EPAS1: variants seen among roughly 807,000 people sequenced by gnomAD.
The protein encoded by EPAS1 is endothelial PAS domain-containing protein 1.
In EPAS1, 23 loss-of-function variants were observed where a neutral mutation model predicts 87.9. That is an observed-to-expected ratio of 0.26 (90% confidence interval 0.19 to 0.37). The LOEUF is 0.37. Ranked by LOEUF, EPAS1 falls within the 10% of genes least tolerant of loss-of-function variation. The probability of loss-of-function intolerance (pLI) is 1.00; values close to 1 mark genes in which losing one functional copy is unlikely to be tolerated. For synonymous variants in EPAS1, 508 were observed against 444.3 expected (o/e 1.14, Z -1.80); for missense variants, 1,138 against 1,120.7 (o/e 1.02, Z -0.22).
chr2:46,335,108 G>T (rs1054908030), intron 1 of EPAS1, among the ~76,000 whole-genome samples: 2 of 152,042 alleles, frequency 1.3e-5, no homozygotes, highest in Non-Finnish European at 2.9e-5. Flanking sequence ...GAGGATGGGG[G>T]TAGGAGAGTG....
At chr2:46,355,548 A>G (rs1237439668) in intron 2 of EPAS1, among the ~76,000 whole-genome samples, 1 of 152,270 alleles carries the variant, frequency 6.6e-6, no homozygotes, top group African/African-American at 2.4e-5. Context: ...AAGATTACAT[A>G]GCATGCTTAG....
At chr2:46,331,469 G>A (rs180773823) in intron 1 of EPAS1, among the ~76,000 whole-genome samples, 113 of 152,350 alleles carry the variant, frequency 7.4e-4, no homozygotes, top group African/African-American at 2.6e-3. Context: ...TTTTAGCTAT[G>A]TAAGGGTGGC....
Position 46,380,374 on chromosome 2 carries a change from A to T in EPAS1, c.1702A>T (p.Thr568Ser). ...STPQHCFSAM[T>S]NIFQPLAPVA... is the part of the protein sequence containing the mutation. ...CCCCCAGCACTGCTTCAGTGCCATG[A>T]CAAACATCTTCCAGCCACTGGCCCC... Residue 568 changes from threonine to serine, a missense_variant, in exon 12 of 16, where the codon ACA becomes TCA. Physicochemically the swap from Thr to Ser is moderately conservative, Grantham distance 58 (BLOSUM62 1). Around this residue, in one of 4 missense-constraint regions of EPAS1, gnomAD observed 502 missense variants for 427.1 expected, o/e 1.18. Transcript: ENST00000263734. This position sits in a 1 kb window ranked among gnomAD's most constrained non-coding sequence, Gnocchi z 4.4. 1 of 1,614,130 alleles carries T rather than the reference A, an allele frequency of 6.2e-7. No homozygotes were observed. The highest frequency in any genetic ancestry group is 8.5e-7 in the Non-Finnish European group (1 of 1,180,006).
chr2:46,301,747 A>G (rs1203121962), intron 1 of EPAS1, among the ~76,000 whole-genome samples: 1 of 152,024 alleles, frequency 6.6e-6, no homozygotes, highest in Admixed American at 6.5e-5. Context: ...TGAACCTTAT[A>G]GAAAGGAGAT....
chr2:46,347,023 G>A lies in EPAS1; in HGVS notation c.177G>A (p.Leu59=), dbSNP rs1235223749. 2 of 1,614,190 alleles carry A rather than the reference G, an allele frequency of 1.2e-6. No homozygotes were observed. The highest frequency in any genetic ancestry group is 2.2e-5 in the East Asian group (1 of 44,880). Residue 59 remains leucine (L), a synonymous_variant, in exon 2 of 16, where the codon CTG becomes CTA. Coordinates refer to ENST00000263734, the MANE Select transcript of EPAS1 (RefSeq NM_001430.5). The surrounding 1 kb of genome is among the most constrained non-coding windows in gnomAD (Gnocchi z 4.2). ...SHLDKASIMR[L]AISFLRTHKL... is the part of the protein sequence containing the mutation. ...TGGACAAGGCCTCCATCATGCGACT[G>A]GCAATCAGCTTCCTGCGAACACACA...
chr2:46,380,432 A>G lies in EPAS1; in HGVS notation c.1760A>G (p.Lys587Arg). 1.9e-6 allele frequency: 3 copies of G among 1,614,074 alleles called. No individual in the cohort carries two copies. Among genetic ancestry groups the G allele is most frequent in the Non-Finnish European group, 2.5e-6 (3 of 1,180,016 alleles). Reference sequence around the variant, plus strand: ...CCGCACAGTCCCTTCCTCCTGGACAAGTTTCAGCAGCAGCTGGAGAGCAAG... The same window carrying G: ...CCGCACAGTCCCTTCCTCCTGGACAGGTTTCAGCAGCAGCTGGAGAGCAAG... ...VAPHSPFLLD[K>R]FQQQLESKKT... is the part of the protein sequence containing the mutation. The change falls in exon 12 of 16, where the codon AAG becomes AGG. Residue 587 changes from lysine to arginine, a missense_variant. Around this residue, in one of 4 missense-constraint regions of EPAS1, gnomAD observed 502 missense variants for 427.1 expected, o/e 1.18. Coordinates refer to ENST00000263734, the MANE Select transcript of EPAS1 (RefSeq NM_001430.5). The surrounding 1 kb of genome is among the most constrained non-coding windows in gnomAD (Gnocchi z 4.4).
At chr2:46,366,296 A>G (rs1684501088) in intron 6 of EPAS1, among the ~76,000 whole-genome samples, 1 of 152,214 alleles carries the variant, frequency 6.6e-6, no homozygotes, top group Non-Finnish European at 1.5e-5. Flanking sequence ...TTTTGAATAG[A>G]GCTTCTAAAC....
At chr2:46,313,891 G>A (rs894330720) in intron 1 of EPAS1, among the ~76,000 whole-genome samples, 2 of 152,222 alleles carry the variant, frequency 1.3e-5, no homozygotes, top group African/African-American at 4.8e-5. Flanking sequence ...CACAGGAGGT[G>A]CTCCTTAAAT....
intron 2 of EPAS1, among the ~76,000 whole-genome samples, chr2:46,355,426 T>A (rs752430588): frequency 1.3e-5 from 2 of 152,226 alleles, no homozygotes; most frequent in African/African-American, 2.4e-5. Flanking sequence ...GATTCAGCTG[T>A]CAAAGCTTGC....
chr2:46,356,351 G>A (rs1684272403), intron 3 of EPAS1, 49 bp downstream of exon 3: 4 of 1,611,044 alleles, frequency 2.5e-6, no homozygotes, highest in Non-Finnish European at 2.5e-6. Flanking sequence ...TTCCATTTGG[G>A]GGTAGAAATG....
chr2:46,360,658 A>G lies in EPAS1; in HGVS notation c.475A>G (p.Ser159Gly), dbSNP rs755022508. Residue 159 changes from serine to glycine, a missense_variant, in exon 5 of 16, where the codon AGC becomes GGC. Coordinates refer to ENST00000263734, the MANE Select transcript of EPAS1 (RefSeq NM_001430.5). The surrounding 1 kb of genome is among the most constrained non-coding windows in gnomAD (Gnocchi z 4.5). ...TCCAGGCTCTGGTTTTGGGAAAAAAAGCAAAGACATGTCCACAGAGCGGGA... is the reference window on the plus strand; with the variant it reads ...TCCAGGCTCTGGTTTTGGGAAAAAAGGCAAAGACATGTCCACAGAGCGGGA... ...LKNGSGFGKK[S>G]KDMSTERDFF... 4 of 1,613,908 alleles carry G rather than the reference A, an allele frequency of 2.5e-6. No individual in the cohort carries two copies. The East Asian group carries it at 6.7e-5, about 27-fold the overall frequency.
At chr2:46,313,986 T>G (rs1683265284) in intron 1 of EPAS1, among the ~76,000 whole-genome samples, 1 of 152,226 alleles carries the variant, frequency 6.6e-6, no homozygotes, top group African/African-American at 2.4e-5. Context: ...CTTAATTTTT[T>G]TTCAAAGCTC....
At chr2:46,352,470 C>T (rs1053075919) in intron 2 of EPAS1, among the ~76,000 whole-genome samples, 5 of 151,724 alleles carry the variant, frequency 3.3e-5, no homozygotes, top group East Asian at 1.9e-4. Context: ...GTGTAGGGAG[C>T]GCGTGCATTT....
At chr2:46,311,282 G>A (rs1683207752) in intron 1 of EPAS1, among the ~76,000 whole-genome samples, 2 of 152,036 alleles carry the variant, frequency 1.3e-5, no homozygotes, top group Non-Finnish European at 2.9e-5. Flanking sequence ...TCAATGACTC[G>A]CTCCACAGTC....
chr2:46,340,365 T>C (rs984390003), intron 1 of EPAS1, among the ~76,000 whole-genome samples: 1 of 152,098 alleles, frequency 6.6e-6, no homozygotes, highest in Non-Finnish European at 1.5e-5. Flanking sequence ...TTAGAGTAGG[T>C]CAGAGAGCTG....
rs780192014 is a variant in EPAS1, at chr2:46,346,909, T to C, written c.63T>C (p.Asp21=). 1 of 1,614,220 alleles carries C rather than the reference T, an allele frequency of 6.2e-7. No individual in the cohort carries two copies. The highest frequency in any genetic ancestry group is 2.2e-5 in the East Asian group (1 of 44,878). The change falls in exon 2 of 16, where the codon GAT becomes GAC. Residue 21 remains aspartate (D), a synonymous_variant. Coordinates refer to ENST00000263734, the MANE Select transcript of EPAS1 (RefSeq NM_001430.5). This position sits in a 1 kb window ranked among gnomAD's most constrained non-coding sequence, Gnocchi z 4.0. ...AGAGGAGGAAGGAGAAGTCCCGGGA[T>C]GCTGCGCGGTGCCGGCGGAGCAAGG... ...SSERRKEKSR[D]AARCRRSKET... is the part of the protein sequence containing the mutation.
chr2:46,353,002 A>G (rs1684201997), intron 2 of EPAS1, among the ~76,000 whole-genome samples: 1 of 152,258 alleles, frequency 6.6e-6, no homozygotes, highest in South Asian at 2.1e-4. Context: ...CTCTGGGACT[A>G]GTTAACCCAA....
In EPAS1 at chr2:46,380,873, A is replaced by C. The variant is rs993114017; in HGVS notation, c.2045+156A>C. Among the ~76,000 whole-genome samples the C allele has an allele frequency of 6.6e-6, 1 of 152,012 alleles. No individual in the cohort carries two copies. Among genetic ancestry groups the C allele is most frequent in the Non-Finnish European group, 1.5e-5 (1 of 67,986 alleles). On this transcript the variant is annotated intron_variant, in intron 12 of 15. Transcript: ENST00000263734. The surrounding 1 kb of genome is among the most constrained non-coding windows in gnomAD (Gnocchi z 4.4). ...AGCTCAGACTTTGGGGAATCACCTC[A>C]AGCCATGTGAGGCCTAGTGTAGGAT... is the stretch of plus-strand genomic sequence containing the variant.
chr2:46,367,122 T>G (rs1289194409), intron 6 of EPAS1, among the ~76,000 whole-genome samples: 2 of 152,268 alleles, frequency 1.3e-5, no homozygotes, highest in African/African-American at 4.8e-5. Context: ...TTCTGAAATC[T>G]AGGTTTGTTT....
Sources: gnomAD v4.1 joint callset for allele counts (sites outside exome capture counted in the v4.1 genomes callset) on GRCh38, gnomAD v4.1.1 for gene constraint, gnomAD v4.1.1 regional missense constraint, Gnocchi (gnomAD v3.1) non-coding constraint, MANE v1.5 for transcripts, NCBI Gene and HGNC (gene_info 2026-07-23, HGNC 2026-07-21) for gene names.